Variants in PSORS1C1 observed in about 807,000 individuals in gnomAD.
The protein encoded by PSORS1C1 is psoriasis susceptibility 1 candidate gene 1 protein.
Under a neutral mutation model 9.4 loss-of-function variants are expected in PSORS1C1, and 7 were observed. The observed-to-expected ratio is 0.75, with a 90% confidence interval of 0.42 to 1.40. The LOEUF (loss-of-function observed/expected upper bound fraction) is 1.40, where lower values mean the gene tolerates loss of function less well. Among genes scored for constraint, PSORS1C1 ranks in the 40% most tolerant of loss-of-function variants. PSORS1C1 has a pLI of 0.01. For synonymous variants in PSORS1C1, 63 were observed against 69.4 expected (o/e 0.91, Z 0.46); for missense variants, 146 against 178.1 (o/e 0.82, Z 1.02).
chr6:31,131,687 A>C (rs1772919495), intron 3 of PSORS1C1, among the ~76,000 whole-genome samples: 1 of 151,342 alleles, frequency 6.6e-6, no homozygotes, highest in Admixed American at 6.6e-5. Flanking sequence ...TTGAAATCCC[A>C]GTTCTGCCAT....
chr6:31,120,533 G>C (rs1374413216), intron 1 of PSORS1C1: 1 of 946,978 alleles, frequency 1.1e-6, no homozygotes, highest in African/African-American at 1.6e-5. Flanking sequence ...GAGAGGTGGA[G>C]GGGGTGGGTG....
chr6:31,140,027 T>C lies in PSORS1C1; in HGVS notation c.*95T>C. On this transcript the variant is annotated 3_prime_UTR_variant, in exon 6 of 6. Coordinates refer to ENST00000259881, the MANE Select transcript of PSORS1C1 (RefSeq NM_014068.3). This position sits in a 1 kb window ranked among gnomAD's most constrained non-coding sequence, Gnocchi z 4.6. ...GAAGTAACATGTCCAAAATAAAATTTGATTCCTCCCAGGTTGTTCCCTGCC... is the reference window on the plus strand; with the variant it reads ...GAAGTAACATGTCCAAAATAAAATTCGATTCCTCCCAGGTTGTTCCCTGCC... 1 of 1,249,620 alleles carries C rather than the reference T, an allele frequency of 8.0e-7. No homozygotes were observed. Among genetic ancestry groups the C allele is most frequent in the Non-Finnish European group, 1.1e-6 (1 of 880,790 alleles). The allele number at this position is 1,249,620 out of a possible 1,614,324, so 77.4% of individuals were successfully genotyped here.
Position 31,139,845 on chromosome 6 carries a change from C to A in PSORS1C1, c.372C>A (p.His124Gln), listed in dbSNP as rs776128846. The A allele has an allele frequency of 2.1e-5, 34 of 1,613,004 alleles. No individual in the cohort carries two copies. Among genetic ancestry groups the A allele is most frequent in the Non-Finnish European group, 2.6e-5 (31 of 1,180,038 alleles). Residue 124 changes from histidine to glutamine, a missense_variant, in exon 6 of 6, where the codon CAC becomes CAA. His to Gln is a conservative substitution (Grantham distance 24). Transcript: ENST00000259881. The surrounding 1 kb of genome is among the most constrained non-coding windows in gnomAD (Gnocchi z 5.2). ...PQPLPPPSGI[H>Q]LSASRTLAPT... Reference sequence around the variant, plus strand: ...CCCTTCCTCCTCCCTCAGGAATCCACCTATCCGCCTCTAGGACCTTGGCTC... The same window carrying A: ...CCCTTCCTCCTCCCTCAGGAATCCAACTATCCGCCTCTAGGACCTTGGCTC...
intron 4 of PSORS1C1, 43 bp from the exon 5 acceptor site, chr6:31,138,613 A>G (rs1773282661): frequency 6.2e-7 from 1 of 1,612,484 alleles, no homozygotes; most frequent in Admixed American, 1.7e-5. Context: ...CTTTGTCCTC[A>G]GGCCAACCTG....
Position 31,115,656 on chromosome 6 carries a change from T to G in PSORS1C1, c.-229+765T>G. The G allele has an allele frequency of 3.3e-6, 1 of 300,090 alleles. No individual in the cohort carries two copies. The highest frequency in any genetic ancestry group is 6.2e-6 in the Non-Finnish European group (1 of 161,158). 18.6% of individuals were successfully genotyped at this position (300,090 alleles called of 1,614,324 possible). ...ACTTCTTCAGGCGTCAGAGGTGCTCTGAGAGCATTTCAGGGGTTTCCCAGT... is the reference window on the plus strand; with the variant it reads ...ACTTCTTCAGGCGTCAGAGGTGCTCGGAGAGCATTTCAGGGGTTTCCCAGT... On this transcript the variant is annotated intron_variant, in intron 1 of 5. Coordinates refer to ENST00000259881, the MANE Select transcript of PSORS1C1 (RefSeq NM_014068.3). The surrounding 1 kb of genome is among the most constrained non-coding windows in gnomAD (Gnocchi z 4.2).
Position 31,129,655 on chromosome 6 carries a change from C to T in PSORS1C1, c.13+10C>T. The T allele has an allele frequency of 1.3e-6, 1 of 779,866 alleles. No homozygotes were observed. The allele number at this position is 779,866 out of a possible 1,614,324, so 48.3% of individuals were successfully genotyped here. On this transcript the variant is annotated intron_variant, in intron 3 of 5. Coordinates refer to ENST00000259881, the MANE Select transcript of PSORS1C1 (RefSeq NM_014068.3). ...GATATGACTTGCACAGGTGAGTTACCTCTCTCAGTGTTGGTTCCTCTTCTG... is the reference window on the plus strand; with the variant it reads ...GATATGACTTGCACAGGTGAGTTACTTCTCTCAGTGTTGGTTCCTCTTCTG...
intron 3 of PSORS1C1, among the ~76,000 whole-genome samples, chr6:31,137,073 G>A (rs985535703): frequency 1.6e-4 from 25 of 152,152 alleles, no homozygotes; most frequent in African/African-American, 6.0e-4. Flanking sequence ...GCTTGAACCC[G>A]GGAGGCGGAG....
At position 31,115,865 on chromosome 6, in the gene PSORS1C1, G is replaced by T; in HGVS notation, c.-229+974G>T. ...GGAAGGAGGAAGGGGTGATAAGAGA[G>T]AGTCTGCAACCTTGGGGTAGTGGAG... On this transcript the variant is annotated intron_variant, in intron 1 of 5. Transcript: ENST00000259881. This position sits in a 1 kb window ranked among gnomAD's most constrained non-coding sequence, Gnocchi z 4.2. 1.6e-6 allele frequency: 1 copy of T among 633,162 alleles called. No individual in the cohort carries two copies. The highest frequency in any genetic ancestry group is 2.5e-5 in the Admixed American group (1 of 39,474). The allele number at this position is 633,162 out of a possible 1,614,324, so 39.2% of individuals were successfully genotyped here.
Position 31,116,906 on chromosome 6 carries a change from C to A in PSORS1C1, c.-229+2015C>A, listed in dbSNP as rs774336702. ...GAGTGGGAGCTGGGGATGTAGGGGC[C>A]GGAGTGCGAGACGATGGGCCCTCCA... On this transcript the variant is annotated intron_variant, in intron 1 of 5. Coordinates refer to ENST00000259881, the MANE Select transcript of PSORS1C1 (RefSeq NM_014068.3). 3.7e-6 allele frequency: 6 copies of A among 1,613,950 alleles called. No homozygotes were observed. Among genetic ancestry groups the A allele is most frequent in the Non-Finnish European group, 5.1e-6 (6 of 1,179,960 alleles).
At chr6:31,131,529 G>A (rs1469908963) in intron 3 of PSORS1C1, among the ~76,000 whole-genome samples, 4 of 149,370 alleles carry the variant, frequency 2.7e-5, no homozygotes, top group South Asian at 2.1e-4. Context: ...CCCAGGAGGC[G>A]GAGGTTGCAG....
intron 3 of PSORS1C1, among the ~76,000 whole-genome samples, chr6:31,133,359 G>A (rs1326867022): frequency 7.1e-6 from 1 of 139,878 alleles, no homozygotes; most frequent in East Asian, 2.0e-4. Context: ...GGGAGAGGAC[G>A]GCCATTCCAG....
chr6:31,116,919 G>A (rs765082620), intron 1 of PSORS1C1: 3 of 1,614,128 alleles, frequency 1.9e-6, no homozygotes, highest in East Asian at 2.2e-5. Flanking sequence ...AGTGCGAGAC[G>A]ATGGGCCCTC....
intron 3 of PSORS1C1, 26 bp from the exon 4 acceptor site, chr6:31,138,404 C>T (rs774226296): frequency 8.1e-6 from 13 of 1,610,606 alleles, no homozygotes; most frequent in Admixed American, 3.3e-5. Flanking sequence ...TCTGGATGGA[C>T]GCAGCCTGAA....
chr6:31,127,870 C>T (rs1463214440), intron 2 of PSORS1C1, among the ~76,000 whole-genome samples: 1 of 152,086 alleles, frequency 6.6e-6, no homozygotes, highest in East Asian at 1.9e-4. Flanking sequence ...CTCGCTCTGC[C>T]TAAGCTGCGT....
At chr6:31,134,818 C>A (rs1343527382) in intron 3 of PSORS1C1, among the ~76,000 whole-genome samples, 1 of 152,028 alleles carries the variant, frequency 6.6e-6, no homozygotes, top group Admixed American at 6.6e-5. Flanking sequence ...ATGTCCCTTG[C>A]ACATTTGTAT....
At position 31,135,146 on chromosome 6, in the gene PSORS1C1, T is replaced by C. The variant is rs186716318; in HGVS notation, c.14-3284T>C. Among the ~76,000 whole-genome samples the C allele has an allele frequency of 3.8e-3, 578 of 152,328 alleles. 5 individuals are homozygous for C. Among genetic ancestry groups the C allele is most frequent in the Admixed American group, 8.3e-3 (127 of 15,296 alleles). On this transcript the variant is annotated intron_variant, in intron 3 of 5. Coordinates refer to ENST00000259881, the MANE Select transcript of PSORS1C1 (RefSeq NM_014068.3). ...CACATTTTTAAGTCAACATTTAACA[T>C]TTGTAATAATTTAATAGCATTCCAA...
chr6:31,134,020 C>T (rs1052354568), intron 3 of PSORS1C1, among the ~76,000 whole-genome samples: 1 of 152,126 alleles, frequency 6.6e-6, no homozygotes, highest in African/African-American at 2.4e-5. Flanking sequence ...GCTCTGTCGC[C>T]CAGGCTGCAG....
In PSORS1C1 at chr6:31,139,609, G is replaced by A. The variant is rs774509326; in HGVS notation, c.168-32G>A. 2 of 1,599,128 alleles carry A rather than the reference G, an allele frequency of 1.3e-6. No homozygotes were observed. The highest frequency in any genetic ancestry group is 1.7e-6 in the Non-Finnish European group (2 of 1,170,258). On this transcript the variant is annotated intron_variant, in intron 5 of 5. Transcript: ENST00000259881. The surrounding 1 kb of genome is among the most constrained non-coding windows in gnomAD (Gnocchi z 5.2). ...CACTTCCCTTCCCCCATGGGATCCA[G>A]GCATCCTGCTCTCCACCATGTCCTT...
chr6:31,135,653 CA>C (rs1773107317), intron 3 of PSORS1C1, among the ~76,000 whole-genome samples: 1 of 152,200 alleles, frequency 6.6e-6, no homozygotes, highest in Non-Finnish European at 1.5e-5. Flanking sequence ...AATACGTGAA[CA>C]AGCCCTTGAA....
Sources: gnomAD v4.1 joint callset for allele counts (sites outside exome capture counted in the v4.1 genomes callset) on GRCh38, gnomAD v4.1.1 for gene constraint, Gnocchi (gnomAD v3.1) non-coding constraint, MANE v1.5 for transcripts, NCBI Gene and HGNC (gene_info 2026-07-23, HGNC 2026-07-21) for gene names.